Variants in ZNF536 observed in about 807,000 individuals in gnomAD.
ZNF536 encodes zinc finger protein 536.
In ZNF536, 13 loss-of-function variants were observed where a neutral mutation model predicts 84.5. The ratio of observed to expected loss-of-function variants is 0.15; its 90% CI spans 0.10 to 0.24. ZNF536 has a LOEUF of 0.24. Among genes scored for constraint, ZNF536 ranks in the 10% least tolerant of loss-of-function variants. The pLI, the probability that ZNF536 is intolerant of heterozygous loss-of-function variation, is 1.00. For synonymous variants in ZNF536, 811 were observed against 742.5 expected (o/e 1.09, Z -1.50); for missense variants, 1,536 against 1,747.5 (o/e 0.88, Z 2.16).
At chr19:30,626,011 A>G (rs2048663308) in intron 1 of ZNF536, among the ~76,000 whole-genome samples, 1 of 152,260 alleles carries the variant, frequency 6.6e-6, no homozygotes, top group African/African-American at 2.4e-5. Flanking sequence ...TTGTAAGTTC[A>G]ATGCTAATCA....
At chr19:30,503,791 A>G (rs1194887356) in intron 2 of ZNF536, among the ~76,000 whole-genome samples, 1 of 151,528 alleles carries the variant, frequency 6.6e-6, no homozygotes, top group African/African-American at 2.4e-5. Flanking sequence ...GCCTCCCTCT[A>G]TTTTTCTGAT....
chr19:30,584,087 T>C (rs879665736), intron 1 of ZNF536, among the ~76,000 whole-genome samples: 3 of 152,158 alleles, frequency 2.0e-5, no homozygotes, highest in Admixed American at 6.5e-5. Context: ...CCCAGTCTCA[T>C]CCCTGCTACT....
intron 2 of ZNF536, among the ~76,000 whole-genome samples, chr19:30,289,618 A>G (rs2045765846): frequency 6.6e-6 from 1 of 152,166 alleles, no homozygotes; most frequent in African/African-American, 2.4e-5. Context: ...TTCTGTGTCT[A>G]TGCCTGGATG....
At chr19:30,662,230 T>C (rs1475781627) in intron 1 of ZNF536, among the ~76,000 whole-genome samples, 1 of 152,198 alleles carries the variant, frequency 6.6e-6, no homozygotes, top group African/African-American at 2.4e-5. Flanking sequence ...TAGCAAAGAC[T>C]TTCTGTCCTG....
chr19:30,402,425 G>A (rs528164629), intron 1 of ZNF536, among the ~76,000 whole-genome samples: 39 of 152,200 alleles, frequency 2.6e-4, no homozygotes, highest in Non-Finnish European at 4.6e-4. Flanking sequence ...CTAACCTTTT[G>A]AAATCTGTAA....
At chr19:30,529,396 T>A (rs1325551057) in intron 2 of ZNF536, among the ~76,000 whole-genome samples, 4 of 152,162 alleles carry the variant, frequency 2.6e-5, no homozygotes, top group Non-Finnish European at 4.4e-5. Flanking sequence ...GAGAAGTTGT[T>A]TGTCTTTCTG....
chr19:30,698,725 T>C (rs1304734646), intron 1 of ZNF536, among the ~76,000 whole-genome samples: 1 of 152,220 alleles, frequency 6.6e-6, no homozygotes, highest in Non-Finnish European at 1.5e-5. Context: ...CAGCCTGACC[T>C]TGGTCTGCTG....
chr19:30,664,204 T>TTC (rs71173915), intron 1 of ZNF536, among the ~76,000 whole-genome samples: 907 of 90,510 alleles, frequency 0.01, 9 homozygotes, highest in Non-Finnish European at 0.013. Context: ...TTGCTGAGTT[T>TTC]TCTCTCTCTC....
At chr19:30,297,958 G>A (rs2046061447) in intron 2 of ZNF536, among the ~76,000 whole-genome samples, 1 of 147,384 alleles carries the variant, frequency 6.8e-6, no homozygotes, top group African/African-American at 2.5e-5. Context: ...TTGGCTCACT[G>A]CAGTCTCTGC....
At chr19:30,638,489 A>AG (rs1225423252) in intron 1 of ZNF536, among the ~76,000 whole-genome samples, 1 of 152,156 alleles carries the variant, frequency 6.6e-6, no homozygotes, top group African/African-American at 2.4e-5. Flanking sequence ...GAAGCGTGAG[A>AG]GGGGGGAAGT....
At chr19:30,235,195 G>T (rs900753206) in intron 1 of ZNF536, among the ~76,000 whole-genome samples, 21 of 152,144 alleles carry the variant, frequency 1.4e-4, no homozygotes, top group African/African-American at 4.3e-4. Context: ...CCTCCCTTGG[G>T]GCAGCTTCCG....
chr19:30,388,421 A>G (rs1478010749), intron 1 of ZNF536, among the ~76,000 whole-genome samples: 1 of 152,200 alleles, frequency 6.6e-6, no homozygotes, highest in Non-Finnish European at 1.5e-5. Context: ...CCGCTCCTCC[A>G]GCCATTGTGA....
rs145725453 is a variant in ZNF536, at chr19:30,549,235, G to A, written c.3616G>A (p.Gly1206Arg). Residue 1206 changes from glycine (G) to arginine (R), a missense_variant, in exon 4 of 5, where the codon GGG (glycine) becomes AGG (arginine). Physicochemically the swap from Gly to Arg is moderately radical, Grantham distance 125 (BLOSUM62 -2). Coordinates refer to ENST00000355537, the MANE Select transcript of ZNF536 (RefSeq NM_014717.3). ...ALSKDSSSDG[G>R]DSLQPTGTSQ... ...CAGCAAAGACAGCAGCAGCGATGGCGGGGACAGCCTGCAGCCCACAGGCAC... is the reference window on the plus strand; with the variant it reads ...CAGCAAAGACAGCAGCAGCGATGGCAGGGACAGCCTGCAGCCCACAGGCAC... 2.1e-4 allele frequency: 346 copies of A among 1,614,004 alleles called. 1 individual carries two copies. In the African/African-American group the frequency reaches 3.9e-3, roughly 18 times the overall value.
Position 30,493,966 on chromosome 19 carries a change from G to A in ZNF536, c.2171-40881G>A, listed in dbSNP as rs977695787. On this transcript the variant is annotated intron_variant, in intron 2 of 4. Coordinates refer to ENST00000355537, the MANE Select transcript of ZNF536 (RefSeq NM_014717.3). ...GGCTGCACAGATACAAGGCAGCAGG[G>A]TGGCTACTAAAATAACAACAATAGT... Among the ~76,000 whole-genome samples, 10 of 152,184 alleles carry A rather than the reference G, an allele frequency of 6.6e-5. No individual in the cohort carries two copies. The South Asian group carries it at 1.5e-3, about 22-fold the overall frequency.
intron 1 of ZNF536, among the ~76,000 whole-genome samples, chr19:30,648,848 G>A (rs946174167): frequency 5.3e-5 from 8 of 152,220 alleles, no homozygotes; most frequent in Non-Finnish European, 5.9e-5. Context: ...TAGTTCACAT[G>A]TTTTTGAAAA....
chr19:30,257,415 T>G (rs1392298860), intron 1 of ZNF536, among the ~76,000 whole-genome samples: 1 of 152,254 alleles, frequency 6.6e-6, no homozygotes, highest in African/African-American at 2.4e-5. Flanking sequence ...CAAGGCCAAG[T>G]CTGGGGTCTG....
chr19:30,237,065 C>T (rs891950759), intron 1 of ZNF536, among the ~76,000 whole-genome samples: 1 of 150,758 alleles, frequency 6.6e-6, no homozygotes, highest in African/African-American at 2.5e-5. Flanking sequence ...TTCTTCTAGG[C>T]ACTGCCTGGC....
chr19:30,643,588 C>T (rs1450494284), intron 1 of ZNF536, among the ~76,000 whole-genome samples: 1 of 152,106 alleles, frequency 6.6e-6, no homozygotes, highest in Non-Finnish European at 1.5e-5. Context: ...TACTTTTTAA[C>T]GCTTCGTTTT....
At chr19:30,459,963 C>T (rs1029636683) in intron 2 of ZNF536, among the ~76,000 whole-genome samples, 11 of 152,118 alleles carry the variant, frequency 7.2e-5, no homozygotes, top group East Asian at 5.8e-4. Flanking sequence ...GTGAGATTCA[C>T]GGAACTGGAA....
Sources: allele counts gnomAD v4.1 joint callset (sites outside exome capture counted in the v4.1 genomes callset), GRCh38; gene constraint gnomAD v4.1.1; transcripts MANE v1.5; gene names NCBI Gene and HGNC (gene_info 2026-07-23, HGNC 2026-07-21).